The following LRCH1 variants were observed in gnomAD, a reference collection of about 807,000 sequenced individuals.
The protein encoded by LRCH1 is leucine rich repeats and calponin homology domain containing 1.
Under a neutral mutation model 94.9 loss-of-function variants are expected in LRCH1, and 23 were observed. The ratio of observed to expected loss-of-function variants is 0.24; its 90% CI spans 0.17 to 0.34. The LOEUF (loss-of-function observed/expected upper bound fraction) is 0.34. Among genes scored for constraint, LRCH1 ranks in the 10% least tolerant of loss-of-function variants. The pLI, the probability that LRCH1 is intolerant of heterozygous loss-of-function variation, is 1.00. For synonymous variants in LRCH1, 364 were observed against 354.9 expected (o/e 1.03, Z -0.29); for missense variants, 790 against 945.9 (o/e 0.84, Z 2.16).
intron 7 of LRCH1, among the ~76,000 whole-genome samples, chr13:46,690,923 T>C (rs1265644848): frequency 4.6e-5 from 7 of 152,250 alleles, no homozygotes; most frequent in Non-Finnish European, 1.0e-4. Flanking sequence ...TCTTTTTCTT[T>C]GGCTGCTGCC....
At chr13:46,648,262 C>G (rs1419342786) in intron 1 of LRCH1, among the ~76,000 whole-genome samples, 1 of 152,152 alleles carries the variant, frequency 6.6e-6, no homozygotes, top group Non-Finnish European at 1.5e-5. Flanking sequence ...GCTGATCTGA[C>G]AGGAGGCGGA....
chr13:46,586,229 GA>G (rs768688172), intron 1 of LRCH1, among the ~76,000 whole-genome samples: 2 of 152,116 alleles, frequency 1.3e-5, no homozygotes, highest in Non-Finnish European at 2.9e-5. Flanking sequence ...ACAGGCAGGG[GA>G]AAGATCAGGG....
intron 18 of LRCH1, 129 bp downstream of exon 18, chr13:46,729,113 T>C (rs925433578): frequency 1.3e-5 from 11 of 819,724 alleles, no homozygotes; most frequent in Non-Finnish European, 1.9e-5. Context: ...CAAACCATTA[T>C]AAGGCAGAAA....
chr13:46,689,872 C>T (rs1218340405), intron 7 of LRCH1, among the ~76,000 whole-genome samples: 2 of 152,108 alleles, frequency 1.3e-5, no homozygotes, highest in East Asian at 3.8e-4. Flanking sequence ...AAATCTAACA[C>T]TAATGTATCA....
intron 17 of LRCH1, among the ~76,000 whole-genome samples, chr13:46,727,003 G>A (rs1872853448): frequency 6.6e-6 from 1 of 151,950 alleles, no homozygotes; most frequent in Non-Finnish European, 1.5e-5. Flanking sequence ...CCAAACTGTA[G>A]GCAAAAAAGA....
In LRCH1 at chr13:46,632,061, C is replaced by A. The variant is rs7986104; in HGVS notation, c.308-18140C>A. Among the ~76,000 whole-genome samples the A allele has an allele frequency of 5.9e-5, 9 of 152,152 alleles. No individual in the cohort carries two copies. In the South Asian group the frequency reaches 8.3e-4, roughly 14 times the overall value. On this transcript the variant is annotated intron_variant, in intron 1 of 19. Coordinates refer to ENST00000389797, the MANE Select transcript of LRCH1 (RefSeq NM_001164211.2). Reference sequence around the variant, plus strand: ...TACTAAAAATACAAAAAGTTAACTCCGTATAGTGGTGCATGCCTGTAGTCC... The same window carrying A: ...TACTAAAAATACAAAAAGTTAACTCAGTATAGTGGTGCATGCCTGTAGTCC...
chr13:46,704,961 A>G (rs1400975843), intron 11 of LRCH1, 107 bp from the exon 12 acceptor site: 10 of 603,544 alleles, frequency 1.7e-5, no homozygotes, highest in Non-Finnish European at 2.8e-5. Flanking sequence ...CTAAAGATAA[A>G]CATAACTTTT....
At chr13:46,679,715 C>A (rs1444550135) in intron 3 of LRCH1, 1 of 152,284 alleles carries the variant, frequency 6.6e-6, no homozygotes, top group Admixed American at 6.5e-5. Flanking sequence ...CCCGTGCCAC[C>A]CCACCTCCCC....
intron 9 of LRCH1, among the ~76,000 whole-genome samples, chr13:46,696,195 TACACAC>T (rs10553999): frequency 0.076 from 11,209 of 146,988 alleles, 771 homozygotes; most frequent in African/African-American, 0.16. Flanking sequence ...TGCATGTGTG[TACACAC>T]ACACACACAC....
intron 1 of LRCH1, among the ~76,000 whole-genome samples, chr13:46,638,232 A>C (rs778590858): frequency 6.6e-6 from 1 of 152,238 alleles, no homozygotes. Flanking sequence ...CTTATGGGAC[A>C]TTAAATATAT....
In LRCH1 at chr13:46,635,265, G is replaced by A. The variant is rs772710551; in HGVS notation, c.308-14936G>A. ...TGTTCACTGCTTCATACTTTCTCCTGCACTTAAACCTTTAGCATATCTCCA... is the reference window on the plus strand; with the variant it reads ...TGTTCACTGCTTCATACTTTCTCCTACACTTAAACCTTTAGCATATCTCCA... On this transcript the variant is annotated intron_variant, in intron 1 of 19. Coordinates refer to ENST00000389797, the MANE Select transcript of LRCH1 (RefSeq NM_001164211.2). Among the ~76,000 whole-genome samples the A allele has an allele frequency of 3.1e-4, 47 of 152,138 alleles. 1 individual carries two copies. The highest frequency in any genetic ancestry group is 1.3e-3 in the Admixed American group (20 of 15,278).
At chr13:46,669,526 G>A (rs1005080076) in intron 3 of LRCH1, among the ~76,000 whole-genome samples, 1 of 152,146 alleles carries the variant, frequency 6.6e-6, no homozygotes, top group African/African-American at 2.4e-5. Context: ...CTTCATGAAG[G>A]TATAAAATTA....
At chr13:46,565,555 T>C (rs9534428) in intron 1 of LRCH1, among the ~76,000 whole-genome samples, 8,548 of 152,002 alleles carry the variant, frequency 0.056, 261 homozygotes, top group East Asian at 0.11. Context: ...CTCATACCTG[T>C]AATCCTAGCA....
intron 4 of LRCH1, among the ~76,000 whole-genome samples, chr13:46,682,548 G>T (rs927941827): frequency 2.6e-5 from 4 of 152,124 alleles, no homozygotes; most frequent in African/African-American, 9.7e-5. Context: ...GTGAAATTTC[G>T]GGGACATACT....
At chr13:46,648,992 G>T (rs2051257975) in intron 1 of LRCH1, among the ~76,000 whole-genome samples, 1 of 152,052 alleles carries the variant, frequency 6.6e-6, no homozygotes, top group Admixed American at 6.6e-5. Flanking sequence ...CCATAAAAAA[G>T]GACGATTTTA....
At chr13:46,571,116 A>G (rs1461796491) in intron 1 of LRCH1, among the ~76,000 whole-genome samples, 2 of 152,222 alleles carry the variant, frequency 1.3e-5, no homozygotes, top group East Asian at 3.8e-4. Flanking sequence ...TCATACCTAC[A>G]AAAAAGGAAC....
chr13:46,699,056 G>T (rs1871335726), intron 9 of LRCH1, among the ~76,000 whole-genome samples: 1 of 152,174 alleles, frequency 6.6e-6, no homozygotes, highest in South Asian at 2.1e-4. Flanking sequence ...TACAGTATTT[G>T]TATTTTTGTG....
At chr13:46,645,872 A>G (rs1398996992) in intron 1 of LRCH1, among the ~76,000 whole-genome samples, 2 of 152,226 alleles carry the variant, frequency 1.3e-5, no homozygotes, top group African/African-American at 4.8e-5. Context: ...TTCTACGCAC[A>G]TGTATTCTGT....
chr13:46,615,258 T>C (rs1437846977), intron 1 of LRCH1, among the ~76,000 whole-genome samples: 1 of 152,128 alleles, frequency 6.6e-6, no homozygotes, highest in Non-Finnish European at 1.5e-5. Context: ...CTAGGAACCT[T>C]GTAATCAAGG....
Sources: gnomAD v4.1 joint callset for allele counts (sites outside exome capture counted in the v4.1 genomes callset) on GRCh38, gnomAD v4.1.1 for gene constraint, MANE v1.5 for transcripts, NCBI Gene and HGNC (gene_info 2026-07-23, HGNC 2026-07-21) for gene names.